AGAP1: variants seen among roughly 807,000 people sequenced by gnomAD.
The protein encoded by AGAP1 is arf-GAP with GTPase, ANK repeat and PH domain-containing protein 1.
Under a neutral mutation model 105.3 loss-of-function variants are expected in AGAP1, and 29 were observed. The observed-to-expected ratio is 0.28, with a 90% CI of 0.21 to 0.38. The LOEUF (loss-of-function observed/expected upper bound fraction) is 0.38, where lower values mean the gene tolerates loss of function less well. Ranked by LOEUF, AGAP1 falls within the 10% of genes least tolerant of loss-of-function variation. The pLI is 1.00. For missense variants in AGAP1, 998 were observed against 1,165.1 expected (o/e 0.86, Z 2.09); for synonymous variants, 509 against 485.9 (o/e 1.05, Z -0.63).
intron 13 of AGAP1, among the ~76,000 whole-genome samples, chr2:235,991,788 G>C (rs1273771765): frequency 6.6e-6 from 1 of 152,110 alleles, no homozygotes; most frequent in Non-Finnish European, 1.5e-5. Context: ...TTTCTCTTTT[G>C]CTGAAATATT....
chr2:235,503,232 C>T (rs1302161185), intron 1 of AGAP1, among the ~76,000 whole-genome samples: 1 of 152,202 alleles, frequency 6.6e-6, no homozygotes, highest in Non-Finnish European at 1.5e-5. Flanking sequence ...GAATTTCCAT[C>T]CTGTTTGTGC....
Position 235,893,509 on chromosome 2 carries a change from G to T in AGAP1, c.1155+10060G>T, listed in dbSNP as rs774232808. The stretch of plus-strand genomic sequence containing the variant: ...GGTGAGCCATGTTTGTGGCGTGGGT[G>T]TGGCATGTCCACGAGGGTGCACCAT... On this transcript the variant is annotated intron_variant, in intron 10 of 17. Transcript: ENST00000304032. This position sits in a 1 kb window ranked among gnomAD's most constrained non-coding sequence, Gnocchi z 4.7. Among the ~76,000 whole-genome samples the T allele has an allele frequency of 1.3e-5, 2 of 148,360 alleles. No homozygotes were observed. The highest frequency in any genetic ancestry group is 3.0e-5 in the Non-Finnish European group (2 of 66,968).
At chr2:235,589,584 C>CAGGA (rs1287083788) in intron 1 of AGAP1, among the ~76,000 whole-genome samples, 1 of 152,152 alleles carries the variant, frequency 6.6e-6, no homozygotes, top group African/African-American at 2.4e-5. Flanking sequence ...TCTTCATGGG[C>CAGGA]AGGAGGACCA....
intron 10 of AGAP1, among the ~76,000 whole-genome samples, chr2:235,898,753 A>C (rs2050927553): frequency 6.6e-6 from 1 of 152,168 alleles, no homozygotes; most frequent in South Asian, 2.1e-4. Flanking sequence ...CTGTTTTTAA[A>C]GATGTGGACA....
In AGAP1 at chr2:236,053,975, C is replaced by T. The variant is rs2057981956; in HGVS notation, c.2114+4694C>T. On this transcript the variant is annotated intron_variant, in intron 16 of 17. Coordinates refer to ENST00000304032, the MANE Select transcript of AGAP1 (RefSeq NM_001037131.3). This position sits in a 1 kb window ranked among gnomAD's most constrained non-coding sequence, Gnocchi z 4.6. ...TAAGTTCACCTCTGTGCCTAAACTC[C>T]CTTCTTGTCTTTAACCTATAAAAAG... Among the ~76,000 whole-genome samples, 1 of 152,132 alleles carries T rather than the reference C, an allele frequency of 6.6e-6. No homozygotes were observed. Among genetic ancestry groups the T allele is most frequent in the Admixed American group, 6.5e-5 (1 of 15,276 alleles).
rs2056122994 is a variant in AGAP1, at chr2:236,001,577, A to C, written c.1645+32954A>C. Among the ~76,000 whole-genome samples the C allele has an allele frequency of 6.6e-6, 1 of 152,176 alleles. No homozygotes were observed. The highest frequency in any genetic ancestry group is 1.5e-5 in the Non-Finnish European group (1 of 68,042). Reference sequence around the variant, plus strand: ...ACTGTGGCTTGCAAGCAGAGCTGGCAGGACTTGCTGAAAGAGTTAATATGG... The same window carrying C: ...ACTGTGGCTTGCAAGCAGAGCTGGCCGGACTTGCTGAAAGAGTTAATATGG... On this transcript the variant is annotated intron_variant, in intron 13 of 17. Coordinates refer to ENST00000304032, the MANE Select transcript of AGAP1 (RefSeq NM_001037131.3). The surrounding 1 kb of genome is among the most constrained non-coding windows in gnomAD (Gnocchi z 4.7).
rs1173108058 is a variant in AGAP1 at position 235,989,520 on chromosome 2, C to T, written c.1645+20897C>T. ...TTTGCCCTAGGGAGGCAGCCCCAGG[C>T]AGGGCCTGGGCACACTGGTGGCGTA... On this transcript the variant is annotated intron_variant, in intron 13 of 17. Coordinates refer to ENST00000304032, the MANE Select transcript of AGAP1 (RefSeq NM_001037131.3). The surrounding 1 kb of genome is among the most constrained non-coding windows in gnomAD (Gnocchi z 4.4). Among the ~76,000 whole-genome samples the T allele has an allele frequency of 2.0e-5, 3 of 152,116 alleles. No individual in the cohort carries two copies. The highest frequency in any genetic ancestry group is 7.2e-5 in the African/African-American group (3 of 41,420).
At position 235,893,935 on chromosome 2, in the gene AGAP1, C is replaced by G. The variant is rs964143084; in HGVS notation, c.1155+10486C>G. Among the ~76,000 whole-genome samples, 2 of 152,172 alleles carry G rather than the reference C, an allele frequency of 1.3e-5. No individual in the cohort carries two copies. Among genetic ancestry groups the G allele is most frequent in the Non-Finnish European group, 2.9e-5 (2 of 68,038 alleles). ...GACTAACAGTACTCACCATGTCTTA[C>G]AACATGACCTCCCTAAACTGACATA... On this transcript the variant is annotated intron_variant, in intron 10 of 17. Transcript: ENST00000304032. This position sits in a 1 kb window ranked among gnomAD's most constrained non-coding sequence, Gnocchi z 4.7.
At chr2:235,828,283 G>A (rs1391007631) in intron 9 of AGAP1, among the ~76,000 whole-genome samples, 1 of 152,178 alleles carries the variant, frequency 6.6e-6, no homozygotes, top group African/African-American at 2.4e-5. Context: ...ACCCCATGTT[G>A]GGAATTTCTT....
rs749517285 is a variant in AGAP1 at position 235,611,282 on chromosome 2, C to T, written c.164-97897C>T. ...TCCCTTGTGGCCCACACAACACTTT[C>T]GTTGGAGATGAAGAGTCTCCCTTTC... On this transcript the variant is annotated intron_variant, in intron 1 of 17. Coordinates refer to ENST00000304032, the MANE Select transcript of AGAP1 (RefSeq NM_001037131.3). The surrounding 1 kb of genome is among the most constrained non-coding windows in gnomAD (Gnocchi z 5.0). Among the ~76,000 whole-genome samples, 1 of 152,216 alleles carries T rather than the reference C, an allele frequency of 6.6e-6. No individual in the cohort carries two copies. The highest frequency in any genetic ancestry group is 1.5e-5 in the Non-Finnish European group (1 of 68,036).
At chr2:235,518,368 A>G (rs1942481281) in intron 1 of AGAP1, among the ~76,000 whole-genome samples, 1 of 152,238 alleles carries the variant, frequency 6.6e-6, no homozygotes, top group African/African-American at 2.4e-5. Context: ...GGTTTTTCAT[A>G]AAGAATATAA....
intron 1 of AGAP1, among the ~76,000 whole-genome samples, chr2:235,632,859 T>G (rs753225890): frequency 6.6e-6 from 1 of 152,184 alleles, no homozygotes; most frequent in African/African-American, 2.4e-5. Flanking sequence ...GCTCTGCCGC[T>G]TTGATTTCCC....
In AGAP1 at chr2:236,105,104, A is replaced by ACGTG. The variant is rs2059451451; in HGVS notation, c.2115-15086_2115-15085insTGCG. 6.6e-6 allele frequency among the ~76,000 whole-genome samples: 1 copy of ACGTG among 151,994 alleles called. No homozygotes were observed. The highest frequency in any genetic ancestry group is 2.4e-5 in the African/African-American group (1 of 41,410). ...TCTGTCTGTCTCGGTGAGAGAAGGCACGGCCCTCACCCAGGGCAGCAGAGA... is the reference window on the plus strand; with the variant it reads ...TCTGTCTGTCTCGGTGAGAGAAGGCACGTGCGGCCCTCACCCAGGGCAGCAGAGA... On this transcript the variant is annotated intron_variant, in intron 16 of 17. Coordinates refer to ENST00000304032, the MANE Select transcript of AGAP1 (RefSeq NM_001037131.3). This position sits in a 1 kb window ranked among gnomAD's most constrained non-coding sequence, Gnocchi z 4.2.
chr2:235,771,177 G>A (rs539788008), intron 6 of AGAP1, among the ~76,000 whole-genome samples: 7 of 152,314 alleles, frequency 4.6e-5, no homozygotes, highest in South Asian at 2.1e-4. Context: ...GGACTTTGGC[G>A]TCCAGAACTT....
chr2:236,030,749 G>A (rs1432304408), intron 13 of AGAP1, among the ~76,000 whole-genome samples: 1 of 152,194 alleles, frequency 6.6e-6, no homozygotes, highest in Non-Finnish European at 1.5e-5. Flanking sequence ...GAACAAGGGA[G>A]AAATGCTTAA....
At position 235,801,377 on chromosome 2, in the gene AGAP1, A is replaced by G. The variant is rs1957487337; in HGVS notation, c.957+1855A>G. Among the ~76,000 whole-genome samples, 1 of 152,122 alleles carries G rather than the reference A, an allele frequency of 6.6e-6. No individual in the cohort carries two copies. Among genetic ancestry groups the G allele is most frequent in the African/African-American group, 2.4e-5 (1 of 41,428 alleles). On this transcript the variant is annotated intron_variant, in intron 8 of 17. Coordinates refer to ENST00000304032, the MANE Select transcript of AGAP1 (RefSeq NM_001037131.3). The surrounding 1 kb of genome is among the most constrained non-coding windows in gnomAD (Gnocchi z 6.0). ...TTTTCTCACTCCATTGATGCTATAA[A>G]ATGATTTCTGATCGTGTTAAGCATA... is the stretch of plus-strand genomic sequence containing the variant.
At chr2:235,504,939 G>A (rs545342770) in intron 1 of AGAP1, among the ~76,000 whole-genome samples, 17 of 152,272 alleles carry the variant, frequency 1.1e-4, no homozygotes, top group African/African-American at 4.1e-4. Context: ...CTGTGTGAGC[G>A]AAATCCCTCA....
chr2:235,798,745 G>C (rs573644275), intron 7 of AGAP1, among the ~76,000 whole-genome samples: 1 of 151,940 alleles, frequency 6.6e-6, no homozygotes, highest in South Asian at 2.1e-4. Flanking sequence ...TTAGCTGGGC[G>C]TGGTGGCTTG....
At chr2:235,814,166 A>T (rs1009313021) in intron 9 of AGAP1, among the ~76,000 whole-genome samples, 3 of 152,150 alleles carry the variant, frequency 2.0e-5, no homozygotes, top group African/African-American at 4.8e-5. Context: ...CAAGAACTGG[A>T]ATGCCTGTCC....
Sources: gnomAD v4.1 joint callset for allele counts (sites outside exome capture counted in the v4.1 genomes callset) on GRCh38, gnomAD v4.1.1 for gene constraint, Gnocchi (gnomAD v3.1) non-coding constraint, MANE v1.5 for transcripts, NCBI Gene and HGNC (gene_info 2026-07-23, HGNC 2026-07-21) for gene names.